BIRC7: variants seen among roughly 807,000 people sequenced by gnomAD.
BIRC7 encodes the protein baculoviral IAP repeat containing 7, also known as baculoviral IAP repeat-containing protein 7.
In BIRC7, 26 loss-of-function variants were observed where a neutral mutation model predicts 33.2. The ratio of observed to expected loss-of-function variants is 0.78; its 90% CI spans 0.57 to 1.09. The LOEUF is 1.09. Ranked by LOEUF, BIRC7 falls within the 50% of genes least tolerant of loss-of-function variation. BIRC7 has a pLI of 0.00. For missense variants in BIRC7, 409 were observed against 401.2 expected, an observed-to-expected ratio of 1.02 and a Z score of -0.17; for synonymous variants, 176 against 171.0, an observed-to-expected ratio of 1.03 and a Z score of -0.23.
At chr20:63,238,523 GC>G (rs1338833930) in intron 3 of BIRC7, 45 bp from the exon 4 acceptor site, 4 of 1,612,978 alleles carry the variant, frequency 2.5e-6, no homozygotes, top group Non-Finnish European at 3.4e-6. Context: ...GTGGGGTCCT[GC>G]CCCTCCTATT....
chr20:63,236,377 T>C lies in BIRC7; in HGVS notation c.281T>C (p.Phe94Ser). ...MGSEELRLAS[F>S]YDWPLTAEVP... Reference sequence around the variant, plus strand: ...TCTGAGGAGTTGCGTCTGGCCTCCTTCTATGACTGGCCGCTGACTGCTGAG... The same window carrying C: ...TCTGAGGAGTTGCGTCTGGCCTCCTCCTATGACTGGCCGCTGACTGCTGAG... The change falls in exon 1 of 7, where the codon TTC (phenylalanine) becomes TCC (serine). Residue 94 changes from phenylalanine to serine, a missense_variant. Phe to Ser is a radical substitution (Grantham distance 155). Transcript: ENST00000217169. 1.3e-6 allele frequency: 2 copies of C among 1,579,228 alleles called. No individual in the cohort carries two copies. Among genetic ancestry groups the C allele is most frequent in the Non-Finnish European group, 1.7e-6 (2 of 1,159,640 alleles).
Position 63,236,061 on chromosome 20 carries a change from T to C in BIRC7, c.-36T>C. The C allele has an allele frequency of 6.7e-7, 1 of 1,481,900 alleles. No homozygotes were observed. Among genetic ancestry groups the C allele is most frequent in the Admixed American group, 2.2e-5 (1 of 45,258 alleles). 91.8% of individuals were successfully genotyped at this position (1,481,900 alleles called of 1,614,324 possible). ...CTGAGATTGGCCATCAGCCCCCATT[T>C]CTGCTGCAAACCTGGTCAGAGCCAG... On this transcript the variant is annotated 5_prime_UTR_variant, in exon 1 of 7. Transcript: ENST00000217169.
intron 4 of BIRC7, 144 bp from the exon 5 acceptor site, chr20:63,239,017 TG>T: frequency 1.2e-6 from 1 of 830,338 alleles, no homozygotes; most frequent in Non-Finnish European, 1.9e-6. Flanking sequence ...GTGGGAGGGG[TG>T]GGAAGAAGTG....
rs771987599 is a variant in BIRC7, at chr20:63,239,510, G to A, written c.802G>A (p.Gly268Ser). 3.7e-5 allele frequency: 59 copies of A among 1,605,940 alleles called. No individual in the cohort carries two copies. The highest frequency in any genetic ancestry group is 8.9e-5 in the East Asian group (4 of 44,866). ...CGTGTCCATCGTCTTTGTGCCGTGC[G>A]GCCACCTGGTCTGTGCTGAGTGTGC... ...RAVSIVFVPC[G>S]HLVCAECAPG... Residue 268 changes from glycine (G) to serine (S), a missense_variant, in exon 6 of 7, where the codon GGC becomes AGC. Physicochemically the swap from Gly to Ser is moderately conservative, Grantham distance 56 (BLOSUM62 0). Coordinates refer to ENST00000217169, the MANE Select transcript of BIRC7 (RefSeq NM_139317.3).
intron 2 of BIRC7, 117 bp downstream of exon 2, chr20:63,238,119 G>A (rs2066703410): frequency 9.4e-7 from 1 of 1,062,734 alleles, no homozygotes; most frequent in African/African-American, 1.6e-5. Flanking sequence ...AGGGCACTGG[G>A]GAGGCCCTTC....
chr20:63,239,456 AGGACGTGCAAGGTGTGCCT>A lies in BIRC7; in HGVS notation c.753_771del (p.Cys252AlafsTer105). 6.2e-7 allele frequency: 1 copy of A among 1,606,736 alleles called. No individual in the cohort carries two copies. Among genetic ancestry groups the A allele is most frequent in the Non-Finnish European group, 8.5e-7 (1 of 1,179,850 alleles). On this transcript the variant is annotated frameshift_variant, in exon 6 of 7. Transcript: ENST00000217169. LOFTEE classifies it high-confidence loss of function. ...GCAGCTGCGGCGGCTGCAGGAGGAG[AGGACGTGCAAGGTGTGCCT>A]GGACCGCGCCGTGTCCATCGTCTTT...
intron 6 of BIRC7, among the ~76,000 whole-genome samples, chr20:63,239,943 C>T (rs2066724439): frequency 6.6e-6 from 1 of 152,226 alleles, no homozygotes; most frequent in African/African-American, 2.4e-5. Flanking sequence ...ACAGGGTGGG[C>T]CAGGTTGGGC....
At chr20:63,239,317 G>A (rs954369067) in intron 5 of BIRC7, 41 bp from the exon 6 acceptor site, 5 of 1,603,770 alleles carry the variant, frequency 3.1e-6, no homozygotes, top group Non-Finnish European at 3.4e-6. Context: ...TAGAGGGTGG[G>A]GGCCAGGGTG....
intron 1 of BIRC7, among the ~76,000 whole-genome samples, chr20:63,236,919 C>T (rs1346004388): frequency 6.6e-6 from 1 of 152,240 alleles, no homozygotes; most frequent in Non-Finnish European, 1.5e-5. Flanking sequence ...CCCCAACCTG[C>T]AGCTACTGTC....
At chr20:63,238,081 C>G in intron 2 of BIRC7, 79 bp downstream of exon 2, 1 of 1,321,802 alleles carries the variant, frequency 7.6e-7, no homozygotes, top group South Asian at 1.5e-5. Flanking sequence ...GACCCAACAC[C>G]AGGCCTGCTT....
In BIRC7 at chr20:63,236,376, T is replaced by A. The variant is rs754269520; in HGVS notation, c.280T>A (p.Phe94Ile). Residue 94 changes from phenylalanine (F) to isoleucine (I), a missense_variant, in exon 1 of 7, where the codon TTC (phenylalanine) becomes ATC (isoleucine). Coordinates refer to ENST00000217169, the MANE Select transcript of BIRC7 (RefSeq NM_139317.3). ...CTCTGAGGAGTTGCGTCTGGCCTCC[T>A]TCTATGACTGGCCGCTGACTGCTGA... ...MGSEELRLAS[F>I]YDWPLTAEVP... is the part of the protein sequence containing the mutation. 1.3e-6 allele frequency: 2 copies of A among 1,579,890 alleles called. No homozygotes were observed. Among genetic ancestry groups the A allele is most frequent in the Non-Finnish European group, 8.6e-7 (1 of 1,160,028 alleles).
intron 3 of BIRC7, 33 bp from the exon 4 acceptor site, chr20:63,238,536 C>T: frequency 6.2e-7 from 1 of 1,613,164 alleles, no homozygotes; most frequent in Non-Finnish European, 8.5e-7. Flanking sequence ...CCTCCTATTT[C>T]CCCAAGGCCT....
chr20:63,239,588 C>T lies in BIRC7; in HGVS notation c.880C>T (p.Arg294Cys), dbSNP rs776089365. The T allele has an allele frequency of 1.5e-5, 24 of 1,597,722 alleles. No individual in the cohort carries two copies. Among genetic ancestry groups the T allele is most frequent in the African/African-American group, 2.7e-5 (2 of 74,822 alleles). ...CAGAGCCCCCGTCCGCAGCCGCGTG[C>T]GCACCTTCCTGTCCTAGGCCAGGTG... ...ICRAPVRSRV[R>C]TFLS is the part of the protein sequence containing the mutation. The change falls in exon 6 of 7, where the codon CGC becomes TGC. Residue 294 changes from arginine to cysteine, a missense_variant. Physicochemically the swap from Arg to Cys is radical, Grantham distance 180. Transcript: ENST00000217169.
In BIRC7 at chr20:63,240,302, C is replaced by T. The variant is rs1275710121; in HGVS notation, c.*52C>T. ...GCTGCAGAGTGGGCTCCCTGCCCCT[C>T]TCTGCCTGTTCTGGACTGTGTTCTG... is the stretch of plus-strand genomic sequence containing the variant. On this transcript the variant is annotated 3_prime_UTR_variant, in exon 7 of 7. Transcript: ENST00000217169. 6.5e-6 allele frequency: 1 copy of T among 154,504 alleles called. No homozygotes were observed. The highest frequency in any genetic ancestry group is 1.4e-5 in the Non-Finnish European group (1 of 69,654). The allele number at this position is 154,504 out of a possible 1,614,324, so 9.6% of individuals were successfully genotyped here.
intron 2 of BIRC7, 103 bp from the exon 3 acceptor site, chr20:63,238,293 G>C: frequency 1.4e-6 from 2 of 1,380,826 alleles, no homozygotes; most frequent in Non-Finnish European, 2.0e-6. Flanking sequence ...GCACTGCAGG[G>C]TGGCGGGAGG....
chr20:63,238,411 C>A lies in BIRC7; in HGVS notation c.465C>A (p.Leu155=), dbSNP rs2066705687. The change falls in exon 3 of 7, where the codon CTC becomes CTA. Residue 155 remains leucine (L), a synonymous_variant. Transcript: ENST00000217169. ...AKWFPSCQFL[L]RSKGRDFVHS... ...GCATCTGCAGCTGTCAGTTCCTGCT[C>A]CGGTCAAAAGGAAGAGACTTTGTCC... 5 of 1,611,968 alleles carry A rather than the reference C, an allele frequency of 3.1e-6. No individual in the cohort carries two copies. In the South Asian group the frequency reaches 5.5e-5, roughly 18 times the overall value.
intron 1 of BIRC7, 115 bp from the exon 2 acceptor site, chr20:63,237,788 T>C (rs1261381882): frequency 5.9e-6 from 5 of 852,538 alleles, no homozygotes; most frequent in Non-Finnish European, 8.6e-6. Flanking sequence ...CCCTCCTCCT[T>C]CTTGCCACCT....
chr20:63,235,995 C>G lies in BIRC7; in HGVS notation c.-102C>G. ...TATCCCTGCTGTCCCCAGGGTGGGCCCCGGGGGTCAGGAGCTCCAGAAGGG... is the reference window on the plus strand; with the variant it reads ...TATCCCTGCTGTCCCCAGGGTGGGCGCCGGGGGTCAGGAGCTCCAGAAGGG... On this transcript the variant is annotated 5_prime_UTR_variant, in exon 1 of 7. Transcript: ENST00000217169. 7.1e-7 allele frequency: 1 copy of G among 1,410,166 alleles called. No homozygotes were observed. Among genetic ancestry groups the G allele is most frequent in the African/African-American group, 1.4e-5 (1 of 69,282 alleles). The allele number at this position is 1,410,166 out of a possible 1,614,324, so 87.4% of individuals were successfully genotyped here. A position where few individuals can be genotyped will look rare whatever the true frequency, so the allele number is the denominator to read the frequency against.
intron 6 of BIRC7, 100 bp downstream of exon 6, chr20:63,239,710 G>A (rs1390088478): frequency 1.4e-6 from 2 of 1,411,320 alleles, no homozygotes; most frequent in East Asian, 2.5e-5. Context: ...CTTCCCGGGT[G>A]GCAGCGTCAG....
Sources: gnomAD v4.1 joint callset for allele counts (sites outside exome capture counted in the v4.1 genomes callset) on GRCh38, gnomAD v4.1.1 for gene constraint, MANE v1.5 for transcripts, NCBI Gene and HGNC (gene_info 2026-07-23, HGNC 2026-07-21) for gene names.